Variants in LMOD3 observed in about 807,000 individuals in gnomAD.
The protein encoded by LMOD3 is leiomodin 3, also known as leiomodin-3.
LMOD3 carries 31 observed loss-of-function variants against 41.8 expected under a neutral mutation model. That is an observed-to-expected ratio of 0.74 (90% CI 0.56 to 1.00). LMOD3 has a LOEUF of 1.00. Among genes scored for constraint, LMOD3 ranks in the 50% least tolerant of loss-of-function variants. The probability of loss-of-function intolerance (pLI) is 0.00; values close to 1 mark genes in which losing one functional copy is unlikely to be tolerated. For missense variants in LMOD3, 755 were observed against 679.5 expected (o/e 1.11, Z -1.23); for synonymous variants, 292 against 241.9 (o/e 1.21, Z -1.92).
rs1239339268 is a variant in LMOD3, at chr3:69,119,061, C to G, written c.1294G>C (p.Glu432Gln). The G allele has an allele frequency of 6.2e-7, 1 of 1,613,718 alleles. No homozygotes were observed. Among genetic ancestry groups the G allele is most frequent in the Admixed American group, 1.7e-5 (1 of 59,992 alleles). The change falls in exon 2 of 3, where the codon GAG becomes CAG. Residue 432 changes from glutamate (E) to glutamine (Q), a missense_variant. Physicochemically the swap from Glu to Gln is conservative, Grantham distance 29. Coordinates refer to ENST00000420581, the MANE Select transcript of LMOD3 (RefSeq NM_198271.5). ...NGLGLPPGMW[E>Q]LLGGPKPDSR... ...TCTGGCTTGGGTCCTCCCAACAGCTCCCACATCCCAGGGGGCAGCCCCAAC... is the reference window on the plus strand; with the variant it reads ...TCTGGCTTGGGTCCTCCCAACAGCTGCCACATCCCAGGGGGCAGCCCCAAC...
rs2092335827 is a variant in LMOD3, at chr3:69,108,989, G to C, written c.*106C>G. Reference sequence around the variant, plus strand: ...TTATCAGATGGTAGCATTGTTTCCAGTTCTGCCACGTGGATCCTAAAGTAT... The same window carrying C: ...TTATCAGATGGTAGCATTGTTTCCACTTCTGCCACGTGGATCCTAAAGTAT... On this transcript the variant is annotated 3_prime_UTR_variant, in exon 3 of 3. Coordinates refer to ENST00000420581, the MANE Select transcript of LMOD3 (RefSeq NM_198271.5). 1 of 1,005,592 alleles carries C rather than the reference G, an allele frequency of 9.9e-7. No homozygotes were observed. Among genetic ancestry groups the C allele is most frequent in the East Asian group, 2.6e-5 (1 of 37,854 alleles). The allele number at this position is 1,005,592 out of a possible 1,614,324, so 62.3% of individuals were successfully genotyped here.
chr3:69,118,237 G>A (rs1430462915), intron 2 of LMOD3, among the ~76,000 whole-genome samples: 2 of 152,188 alleles, frequency 1.3e-5, no homozygotes, highest in East Asian at 1.9e-4. Context: ...GAAGAGGTCA[G>A]AAGAAGAGGT....
chr3:69,121,544 C>A (rs1018288076), intron 1 of LMOD3, among the ~76,000 whole-genome samples: 8 of 152,186 alleles, frequency 5.3e-5, no homozygotes, highest in Non-Finnish European at 1.0e-4. Context: ...TAATAGCCAT[C>A]GATTTCTAAA....
rs2092326307 is a variant in LMOD3 at position 69,107,196 on chromosome 3, C to T, written c.*1899G>A. 6.6e-6 allele frequency: 1 copy of T among 151,882 alleles called. No individual in the cohort carries two copies. Among genetic ancestry groups the T allele is most frequent in the Non-Finnish European group, 1.5e-5 (1 of 67,970 alleles). 9.4% of individuals were successfully genotyped at this position (151,882 alleles called of 1,614,324 possible). ...AATATTGAAGGGTGAGAAAACAAAACTATCAGCCATTGAAAACTATATTTA... is the reference window on the plus strand; with the variant it reads ...AATATTGAAGGGTGAGAAAACAAAATTATCAGCCATTGAAAACTATATTTA... On this transcript the variant is annotated 3_prime_UTR_variant, in exon 3 of 3. Transcript: ENST00000420581.
chr3:69,113,547 T>A (rs1273843756), intron 2 of LMOD3, among the ~76,000 whole-genome samples: 1 of 152,212 alleles, frequency 6.6e-6, no homozygotes, highest in Non-Finnish European at 1.5e-5. Flanking sequence ...CATGGAGTCT[T>A]TTGATGTACT....
chr3:69,122,413 G>A lies in LMOD3; in HGVS notation c.-27C>T. The A allele has an allele frequency of 1.4e-6, 2 of 1,425,478 alleles. No individual in the cohort carries two copies. Among genetic ancestry groups the A allele is most frequent in the African/African-American group, 1.5e-5 (1 of 68,618 alleles). The allele number at this position is 1,425,478 out of a possible 1,614,324, so 88.3% of individuals were successfully genotyped here. ...ATTTTTTCTAAATATTATTTTACTAGAAAAGAAGAATAATCAAAGATGATT... is the reference window on the plus strand; with the variant it reads ...ATTTTTTCTAAATATTATTTTACTAAAAAAGAAGAATAATCAAAGATGATT... On this transcript the variant is annotated 5_prime_UTR_variant, in exon 1 of 3. Transcript: ENST00000420581.
intron 2 of LMOD3, among the ~76,000 whole-genome samples, chr3:69,110,835 T>C (rs1575871749): frequency 2.7e-5 from 2 of 75,442 alleles, no homozygotes; most frequent in Admixed American, 1.3e-4. Context: ...AGAGACACCA[T>C]CTCAAAAAAA....
Position 69,108,689 on chromosome 3 carries a change from G to A in LMOD3, c.*406C>T, listed in dbSNP as rs532081677. 23 of 162,166 alleles carry A rather than the reference G, an allele frequency of 1.4e-4. No individual in the cohort carries two copies. The East Asian group carries it at 1.4e-3, about 10-fold the overall frequency. 10.0% of individuals were successfully genotyped at this position (162,166 alleles called of 1,614,324 possible). A position where few individuals can be genotyped will look rare whatever the true frequency, so the allele number is the denominator to read the frequency against. Reference sequence around the variant, plus strand: ...TTAAGATACTATGTGATGAATTACCGCAGAAGAGATGGAAGGAGAAAAAAA... The same window carrying A: ...TTAAGATACTATGTGATGAATTACCACAGAAGAGATGGAAGGAGAAAAAAA... On this transcript the variant is annotated 3_prime_UTR_variant, in exon 3 of 3. Transcript: ENST00000420581.
chr3:69,117,880 G>T (rs2092383463), intron 2 of LMOD3, among the ~76,000 whole-genome samples: 1 of 148,200 alleles, frequency 6.7e-6, no homozygotes, highest in African/African-American at 2.5e-5. Flanking sequence ...TCACCAGGCT[G>T]GAGTACAGTG....
Position 69,119,571 on chromosome 3 carries a change from T to C in LMOD3, c.784A>G (p.Asn262Asp), listed in dbSNP as rs772840860. 1 of 1,613,878 alleles carries C rather than the reference T, an allele frequency of 6.2e-7. No individual in the cohort carries two copies. The highest frequency in any genetic ancestry group is 8.5e-7 in the Non-Finnish European group (1 of 1,179,900). Residue 262 changes from asparagine to aspartate, a missense_variant, in exon 2 of 3, where the codon AAC becomes GAC. Physicochemically the swap from Asn to Asp is conservative, Grantham distance 23 (BLOSUM62 1). Coordinates refer to ENST00000420581, the MANE Select transcript of LMOD3 (RefSeq NM_198271.5). Reference protein sequence around the residue: ...DPDMKELNLNNIENIPKEMLL... With the variant: ...DPDMKELNLNDIENIPKEMLL... Reference sequence around the variant, plus strand: ...ATTTCTTTGGGGATGTTTTCAATGTTGTTCAGGTTGAGTTCCTTCATGTCA... The same window carrying C: ...ATTTCTTTGGGGATGTTTTCAATGTCGTTCAGGTTGAGTTCCTTCATGTCA...
At chr3:69,110,713 C>G (rs1294778847) in intron 2 of LMOD3, among the ~76,000 whole-genome samples, 3 of 147,050 alleles carry the variant, frequency 2.0e-5, no homozygotes, top group Non-Finnish European at 3.0e-5. Flanking sequence ...CGTGGTGGCA[C>G]GTGCCTGTAA....
At chr3:69,118,526 G>C (rs1250377689) in intron 2 of LMOD3, among the ~76,000 whole-genome samples, 173 bp downstream of exon 2, 2 of 152,094 alleles carry the variant, frequency 1.3e-5, no homozygotes, top group African/African-American at 4.8e-5. Context: ...GGTGCTACAG[G>C]TGTACATCCT....
In LMOD3 at chr3:69,122,410, C is replaced by T; in HGVS notation, c.-24G>A. The T allele has an allele frequency of 6.9e-7, 1 of 1,453,208 alleles. No homozygotes were observed. The highest frequency in any genetic ancestry group is 1.4e-5 in the African/African-American group (1 of 69,234). 90.0% of individuals were successfully genotyped at this position (1,453,208 alleles called of 1,614,324 possible). A position where few individuals can be genotyped will look rare whatever the true frequency, so the allele number is the denominator to read the frequency against. On this transcript the variant is annotated 5_prime_UTR_variant, in exon 1 of 3. Coordinates refer to ENST00000420581, the MANE Select transcript of LMOD3 (RefSeq NM_198271.5). ...ATTATTTTTTCTAAATATTATTTTA[C>T]TAGAAAAGAAGAATAATCAAAGATG...
intron 2 of LMOD3, among the ~76,000 whole-genome samples, chr3:69,115,149 A>G (rs2092365520): frequency 6.6e-6 from 1 of 152,156 alleles, no homozygotes; most frequent in South Asian, 2.1e-4. Flanking sequence ...TTGAGATTAC[A>G]GGTATGAACC....
chr3:69,108,875 C>G lies in LMOD3; in HGVS notation c.*220G>C. The stretch of plus-strand genomic sequence containing the variant: ...AATTGATTGCAAGTAGAAAATATTG[C>G]CTCTAAATATTATATTTTATCTCCT... On this transcript the variant is annotated 3_prime_UTR_variant, in exon 3 of 3. Coordinates refer to ENST00000420581, the MANE Select transcript of LMOD3 (RefSeq NM_198271.5). 2.5e-6 allele frequency: 1 copy of G among 406,854 alleles called. No individual in the cohort carries two copies. The highest frequency in any genetic ancestry group is 4.3e-6 in the Non-Finnish European group (1 of 230,054). 25.2% of individuals were successfully genotyped at this position (406,854 alleles called of 1,614,324 possible). A position where few individuals can be genotyped will look rare whatever the true frequency, so the allele number is the denominator to read the frequency against.
In LMOD3 at chr3:69,120,315, A is replaced by C. The variant is rs7610262; in HGVS notation, c.295-255T>G. Among the ~76,000 whole-genome samples the C allele has an allele frequency of 0.23, 35,082 of 152,022 alleles. 4,893 individuals are homozygous for C. The highest frequency in any genetic ancestry group is 0.39 in the African/African-American group (16,183 of 41,434). On this transcript the variant is annotated intron_variant, in intron 1 of 2. Coordinates refer to ENST00000420581, the MANE Select transcript of LMOD3 (RefSeq NM_198271.5). ...GTGTTTAATTTCAGAAGCAGTTAAA[A>C]ATTGTTTTGAAAACCTCATAGAATT... is the stretch of plus-strand genomic sequence containing the variant.
At chr3:69,120,348 G>A (rs920168316) in intron 1 of LMOD3, among the ~76,000 whole-genome samples, 1 of 151,858 alleles carries the variant, frequency 6.6e-6, no homozygotes, top group Admixed American at 6.6e-5. Flanking sequence ...ATTGTTCATC[G>A]ATACACTGAA....
intron 2 of LMOD3, among the ~76,000 whole-genome samples, chr3:69,112,054 A>G (rs1335159762): frequency 3.3e-5 from 5 of 152,244 alleles, no homozygotes; most frequent in Admixed American, 2.0e-4. Context: ...TTCTAAGCAG[A>G]ATACAAAAGG....
At position 69,106,125 on chromosome 3, in the gene LMOD3, C is replaced by G. The variant is rs535778829; in HGVS notation, c.*2970G>C. 4 of 152,260 alleles carry G rather than the reference C, an allele frequency of 2.6e-5. No homozygotes were observed. The highest frequency in any genetic ancestry group is 2.0e-4 in the Admixed American group (3 of 15,296). 9.4% of individuals were successfully genotyped at this position (152,260 alleles called of 1,614,324 possible). ...CTTAAATACCTGAGAAACTTGGCGA[C>G]GACCCTATAAACAGTGAAGCAAACA... On this transcript the variant is annotated 3_prime_UTR_variant, in exon 3 of 3. Transcript: ENST00000420581.
Sources: allele counts gnomAD v4.1 joint callset (sites outside exome capture counted in the v4.1 genomes callset), GRCh38; gene constraint gnomAD v4.1.1; transcripts MANE v1.5; gene names NCBI Gene and HGNC (gene_info 2026-07-23, HGNC 2026-07-21).